The following PHF14 variants were observed in gnomAD, a reference collection of about 807,000 sequenced individuals.
The protein encoded by PHF14 is PHD finger protein 14.
Under a neutral mutation model 117.9 loss-of-function variants are expected in PHF14, and 55 were observed. The observed-to-expected ratio is 0.47, with a 90% CI of 0.38 to 0.58. PHF14 has a LOEUF of 0.58. Among genes scored for constraint, PHF14 ranks in the 20% least tolerant of loss-of-function variants. PHF14 has a pLI of 0.00. For missense variants in PHF14, 978 were observed against 1,122.2 expected, an observed-to-expected ratio of 0.87 and a Z score of 1.84; for synonymous variants, 409 against 368.6, an observed-to-expected ratio of 1.11 and a Z score of -1.26.
At position 11,005,377 on chromosome 7, in the gene PHF14, A is replaced by G. The variant is rs893296019; in HGVS notation, c.1046-8370A>G. On this transcript the variant is annotated intron_variant, in intron 4 of 17. Transcript: ENST00000634607. ...CAGTATTACTGTGAGCTCATATGTTATAATCTATTAACTGATTGCTGTTTC... is the reference window on the plus strand; with the variant it reads ...CAGTATTACTGTGAGCTCATATGTTGTAATCTATTAACTGATTGCTGTTTC... 2.0e-5 allele frequency among the ~76,000 whole-genome samples: 3 copies of G among 152,016 alleles called. 1 individual carries two copies. In the East Asian group the frequency reaches 5.8e-4, roughly 30 times the overall value.
At chr7:11,025,588 TC>T (rs2128319317) in intron 6 of PHF14, among the ~76,000 whole-genome samples, 1 of 147,226 alleles carries the variant, frequency 6.8e-6, no homozygotes, top group South Asian at 2.2e-4. Flanking sequence ...GATCAGGAGA[TC>T]AAGACCATCC....
At chr7:11,139,692 A>T (rs1186078226) in intron 17 of PHF14, among the ~76,000 whole-genome samples, 1 of 152,214 alleles carries the variant, frequency 6.6e-6, no homozygotes, top group Non-Finnish European at 1.5e-5. Flanking sequence ...TGTGTCAGTC[A>T]TTTACCTTGG....
At chr7:10,974,417 T>C in intron 1 of PHF14, 93 bp downstream of exon 1, 1 of 1,077,688 alleles carries the variant, frequency 9.3e-7, no homozygotes, top group South Asian at 1.3e-5. Context: ...GGGAGAGTCC[T>C]GCGGGAAAGC....
chr7:11,074,499 C>A (rs150477866), intron 16 of PHF14, among the ~76,000 whole-genome samples: 1,840 of 152,178 alleles, frequency 0.012, 38 homozygotes, highest in African/African-American at 0.042. Flanking sequence ...CATGAGCCAC[C>A]GTGCCTGGCC....
At chr7:11,148,375 A>G (rs929032429) in intron 17 of PHF14, among the ~76,000 whole-genome samples, 32 of 152,040 alleles carry the variant, frequency 2.1e-4, no homozygotes, top group Admixed American at 2.0e-3. Context: ...GCTCTTTTCT[A>G]CTTTAGGACC....
chr7:10,998,991 G>A (rs554232063), intron 4 of PHF14, among the ~76,000 whole-genome samples: 9 of 152,234 alleles, frequency 5.9e-5, no homozygotes, highest in South Asian at 2.1e-4. Context: ...TTGGGAAATC[G>A]TACACATTTA....
rs577922431 is a variant in PHF14 at position 11,104,248 on chromosome 7, A to G, written c.2655-7102A>G. On this transcript the variant is annotated intron_variant, in intron 16 of 17. Transcript: ENST00000634607. ...CATTTTCAGTGGTGGTGGATATTCT[A>G]TTCCACATTTGGTGCTAGTCCTAAG... 2.3e-5 allele frequency: 23 copies of G among 984,224 alleles called. No individual in the cohort carries two copies. In the South Asian group the frequency reaches 3.3e-4, roughly 14 times the overall value. The allele number at this position is 984,224 out of a possible 1,614,324, so 61.0% of individuals were successfully genotyped here. A position where few individuals can be genotyped will look rare whatever the true frequency, so the allele number is the denominator to read the frequency against.
chr7:11,086,299 C>T (rs1786407541), intron 16 of PHF14, among the ~76,000 whole-genome samples: 1 of 152,156 alleles, frequency 6.6e-6, no homozygotes, highest in East Asian at 1.9e-4. Context: ...CAGCCTCAGT[C>T]TGTCTTTTTG....
intron 2 of PHF14, among the ~76,000 whole-genome samples, chr7:10,980,941 A>C (rs1782026675): frequency 6.6e-6 from 1 of 152,130 alleles, no homozygotes; most frequent in African/African-American, 2.4e-5. Flanking sequence ...TTAGGATAAG[A>C]GTGTTTTTTT....
chr7:11,158,061 AC>A (rs1788919510), intron 17 of PHF14, among the ~76,000 whole-genome samples: 1 of 152,158 alleles, frequency 6.6e-6, no homozygotes, highest in Non-Finnish European at 1.5e-5. Flanking sequence ...TAAGCATAGA[AC>A]AATTCTCAAA....
chr7:10,982,856 G>T lies in PHF14; in HGVS notation c.597G>T (p.Glu199Asp). 6.2e-7 allele frequency: 1 copy of T among 1,613,824 alleles called. No homozygotes were observed. The highest frequency in any genetic ancestry group is 1.7e-5 in the Admixed American group (1 of 59,984). Residue 199 changes from glutamate to aspartate, a missense_variant, in exon 3 of 18, where the codon GAG becomes GAT. Glu to Asp is a conservative substitution (Grantham distance 45). Around this residue, in one of 7 missense-constraint regions of PHF14, gnomAD observed 414 missense variants for 376.4 expected, o/e 1.10. Coordinates refer to ENST00000634607, the MANE Select transcript of PHF14 (RefSeq NM_001007157.2). ...TTCTGGATTTTGTGTCCATGGAAGA[G>T]CTGAATGACATGGATGACTATGACA... ...RPLLDFVSME[E>D]LNDMDDYDSE...
At chr7:11,085,272 A>G (rs1281517602) in intron 16 of PHF14, among the ~76,000 whole-genome samples, 1 of 152,212 alleles carries the variant, frequency 6.6e-6, no homozygotes, top group Admixed American at 6.5e-5. Context: ...ACATTAGCTT[A>G]ATATAAAAAT....
chr7:11,027,357 G>A (rs115115039), intron 6 of PHF14, among the ~76,000 whole-genome samples: 1,795 of 152,134 alleles, frequency 0.012, 39 homozygotes, highest in African/African-American at 0.041. Context: ...AAGTTTTTAA[G>A]TTTTCCTTGT....
chr7:11,106,462 G>T, intron 16 of PHF14: 1 of 947,388 alleles, frequency 1.1e-6, no homozygotes, highest in South Asian at 4.9e-5. Flanking sequence ...CACTAAAATT[G>T]TTGTAAATTA....
chr7:11,109,815 T>A (rs1212563327), intron 16 of PHF14: 1 of 151,934 alleles, frequency 6.6e-6, no homozygotes, highest in Non-Finnish European at 1.5e-5. Flanking sequence ...GTCCTATTGG[T>A]CCTATTTGAT....
intron 4 of PHF14, among the ~76,000 whole-genome samples, chr7:11,010,198 T>A (rs1472362203): frequency 6.6e-6 from 1 of 152,152 alleles, no homozygotes; most frequent in Non-Finnish European, 1.5e-5. Flanking sequence ...AGAAAATAGA[T>A]TGATGATACC....
intron 4 of PHF14, among the ~76,000 whole-genome samples, chr7:11,002,106 G>A (rs1483420333): frequency 2.0e-5 from 3 of 151,824 alleles, no homozygotes; most frequent in East Asian, 1.9e-4. Context: ...GTGCAGTGGC[G>A]CAATTTCGGC....
intron 4 of PHF14, among the ~76,000 whole-genome samples, chr7:11,004,744 C>T (rs919426040): frequency 6.7e-6 from 1 of 149,586 alleles, no homozygotes; most frequent in Non-Finnish European, 1.5e-5. Context: ...CATCAAAAGA[C>T]GTATAATGTG....
At chr7:11,106,492 C>T (rs912873865) in intron 16 of PHF14, 114 of 942,998 alleles carry the variant, frequency 1.2e-4, no homozygotes, top group Non-Finnish European at 1.3e-4. Context: ...AAATATTGTA[C>T]TTATTGATAC....
Sources: allele counts gnomAD v4.1 joint callset (sites outside exome capture counted in the v4.1 genomes callset), GRCh38; gene constraint gnomAD v4.1.1; regional missense constraint gnomAD v4.1.1; transcripts MANE v1.5; gene names NCBI Gene and HGNC (gene_info 2026-07-23, HGNC 2026-07-21).